ERCC6: variants seen among roughly 807,000 people sequenced by gnomAD.
The protein encoded by ERCC6 is ERCC excision repair 6, chromatin remodeling factor.
ERCC6 carries 116 observed loss-of-function variants against 158.7 expected under a neutral mutation model. The observed-to-expected ratio is 0.73, with a 90% CI of 0.63 to 0.85. ERCC6 has a LOEUF of 0.85. Among genes scored for constraint, ERCC6 ranks in the 40% least tolerant of loss-of-function variants. The pLI, the probability that ERCC6 is intolerant of heterozygous loss-of-function variation, is 0.00. For synonymous variants in ERCC6, 678 were observed against 659.3 expected (o/e 1.03, Z -0.43); for missense variants, 1,698 against 1,799.4 (o/e 0.94, Z 1.02).
Position 49,493,256 on chromosome 10 carries a change from C to T in ERCC6, c.1686-4G>A, listed in dbSNP as rs1029597946. ...AGTTGGACCCAACCCCTCAAACCTG[C>T]ATCCAAACGTCCAAGAAGAAAACAA... is the stretch of plus-strand genomic sequence containing the variant. On this transcript the variant is annotated splice_polypyrimidine_tract_variant and splice_region_variant and intron_variant, in intron 7 of 20. Transcript: ENST00000355832. 8.1e-6 allele frequency: 13 copies of T among 1,613,946 alleles called. 1 individual carries two copies. The Middle Eastern group carries it at 8.2e-4, about 102-fold the overall frequency.
At chr10:49,493,424 G>A (rs1025755649) in intron 7 of ERCC6, among the ~76,000 whole-genome samples, 172 bp from the exon 8 acceptor site, 3 of 152,120 alleles carry the variant, frequency 2.0e-5, no homozygotes, top group African/African-American at 7.2e-5. Flanking sequence ...TTAAAACCCA[G>A]TAAGTAAAAT....
At chr10:49,493,742 T>C (rs538943785) in intron 7 of ERCC6, among the ~76,000 whole-genome samples, 1 of 152,296 alleles carries the variant, frequency 6.6e-6, no homozygotes, top group East Asian at 1.9e-4. Flanking sequence ...TGGGGGCTCA[T>C]AAGGCTGGCA....
At chr10:49,477,651 C>G (rs80202965) in intron 11 of ERCC6, among the ~76,000 whole-genome samples, 168 of 152,256 alleles carry the variant, frequency 1.1e-3, no homozygotes, top group African/African-American at 3.8e-3. Flanking sequence ...CCCCAGTCTT[C>G]CCAGCTAGCT....
chr10:49,452,028 T>C (rs1420625547), downstream of ERCC6, among the ~76,000 whole-genome samples: 3 of 152,104 alleles, frequency 2.0e-5, no homozygotes, highest in Non-Finnish European at 4.4e-5. Context: ...CCTAGTGAAA[T>C]ATTTGTCATA....
At chr10:49,518,441 A>G (rs1429718140) in intron 5 of ERCC6, among the ~76,000 whole-genome samples, 3 of 152,194 alleles carry the variant, frequency 2.0e-5, no homozygotes, top group African/African-American at 7.2e-5. Context: ...TCAAAGTCCT[A>G]TCTCCTGGGT....
At position 49,476,357 on chromosome 10, in the gene ERCC6, A is replaced by G. The variant is rs760081870; in HGVS notation, c.2287-47T>C. 29 of 1,289,504 alleles carry G rather than the reference A, an allele frequency of 2.2e-5. No individual in the cohort carries two copies. The South Asian group carries it at 3.6e-4, about 16-fold the overall frequency. The allele number at this position is 1,289,504 out of a possible 1,614,324, so 79.9% of individuals were successfully genotyped here. A position where few individuals can be genotyped will look rare whatever the true frequency, so the allele number is the denominator to read the frequency against. On this transcript the variant is annotated intron_variant, in intron 11 of 20. Coordinates refer to ENST00000355832, the MANE Select transcript of ERCC6 (RefSeq NM_000124.4). The stretch of plus-strand genomic sequence containing the variant: ...AAACTATAATTTCAAAAAAAAAATT[A>G]ACAGAAATAATTAAAATATCAACAA...
chr10:49,515,736 A>G lies in ERCC6; in HGVS notation c.1397+8297T>C, dbSNP rs758395933. 5.0e-6 allele frequency: 8 copies of G among 1,614,158 alleles called. No homozygotes were observed. In the East Asian group the frequency reaches 8.9e-5, roughly 18 times the overall value. Reference sequence around the variant, plus strand: ...TTCATCAGCTCTGTCTACGCCTCCCATGAACTGGTTATACACTTTGATCAT... The same window carrying G: ...TTCATCAGCTCTGTCTACGCCTCCCGTGAACTGGTTATACACTTTGATCAT... On this transcript the variant is annotated intron_variant, in intron 5 of 20. Coordinates refer to ENST00000355832, the MANE Select transcript of ERCC6 (RefSeq NM_000124.4).
At chr10:49,522,846 A>T (rs532771727) in intron 5 of ERCC6, among the ~76,000 whole-genome samples, 1 of 152,224 alleles carries the variant, frequency 6.6e-6, no homozygotes, top group South Asian at 2.1e-4. Flanking sequence ...GTGCTGAGGG[A>T]TGACAAATAT....
intron 18 of ERCC6, among the ~76,000 whole-genome samples, chr10:49,469,026 T>C (rs1850725712): frequency 6.6e-6 from 1 of 152,010 alleles, no homozygotes; most frequent in Non-Finnish European, 1.5e-5. Context: ...TAAAAATAAA[T>C]TAATAAATAA....
At chr10:49,464,225 T>C (rs1417954154) in intron 18 of ERCC6, among the ~76,000 whole-genome samples, 1 of 152,190 alleles carries the variant, frequency 6.6e-6, no homozygotes, top group Non-Finnish European at 1.5e-5. Context: ...GTGACTCTTG[T>C]TATGTTTTAG....
chr10:49,446,918 T>C, the ERCC6 span, among the ~76,000 whole-genome samples: 3 of 152,236 alleles, frequency 2.0e-5, no homozygotes, highest in South Asian at 6.2e-4. Flanking sequence ...AAAGAAATAA[T>C]GGCTACAGTC....
chr10:49,528,271 A>T, intron 4 of ERCC6, 146 bp downstream of exon 4: 1 of 943,404 alleles, frequency 1.1e-6, no homozygotes, highest in Non-Finnish European at 1.7e-6. Context: ...GTAGAGAATA[A>T]AATTTTCCTA....
At chr10:49,474,883 A>G (rs1590409922) in intron 12 of ERCC6, among the ~76,000 whole-genome samples, 1 of 152,234 alleles carries the variant, frequency 6.6e-6, no homozygotes, top group East Asian at 1.9e-4. Context: ...CAAAACTTCA[A>G]TAATGGGGCT....
Position 49,472,925 on chromosome 10 carries a change from G to A in ERCC6, c.2813C>T (p.Pro938Leu). ...AAAACAAACCTGCGTGTCCGTGCTTGGGTTCCAGTCTGGGTCATAGATGAC... is the reference window on the plus strand; with the variant it reads ...AAAACAAACCTGCGTGTCCGTGCTTAGGTTCCAGTCTGGGTCATAGATGAC... ...RVVIYDPDWNPSTDTQARERA... is the reference protein window; with the variant it reads ...RVVIYDPDWNLSTDTQARERA... Residue 938 changes from proline (P) to leucine (L), a missense_variant, in exon 15 of 21, where the codon CCA becomes CTA. By Grantham distance (98) the Pro-to-Leu change is moderately conservative. Coordinates refer to ENST00000355832, the MANE Select transcript of ERCC6 (RefSeq NM_000124.4). 6.2e-7 allele frequency: 1 copy of A among 1,614,022 alleles called. No homozygotes were observed. The highest frequency in any genetic ancestry group is 8.5e-7 in the Non-Finnish European group (1 of 1,179,992).
chr10:49,492,136 A>C (rs1214423326), intron 8 of ERCC6, among the ~76,000 whole-genome samples: 4 of 152,182 alleles, frequency 2.6e-5, no homozygotes, highest in Admixed American at 2.0e-4. Flanking sequence ...GTGCTACCAA[A>C]CCATAGATTT....
intron 8 of ERCC6, among the ~76,000 whole-genome samples, chr10:49,491,955 T>C (rs192276806): frequency 1.3e-5 from 2 of 152,354 alleles, no homozygotes; most frequent in South Asian, 2.1e-4. Context: ...CAACAATCTA[T>C]ACTGCTATTA....
intron 10 of ERCC6, among the ~76,000 whole-genome samples, chr10:49,479,580 T>C (rs1590414428): frequency 6.6e-6 from 1 of 152,308 alleles, no homozygotes; most frequent in South Asian, 2.1e-4. Flanking sequence ...GAGGTACATA[T>C]TATGATTTCT....
At chr10:49,524,861 T>C (rs1165156926) in intron 4 of ERCC6, 84 bp from the exon 5 acceptor site, 12 of 1,569,090 alleles carry the variant, frequency 7.6e-6, no homozygotes, top group Non-Finnish European at 8.6e-6. Context: ...TCAAGAAATA[T>C]TAGGCAGCTA....
At chr10:49,521,209 T>C (rs1837150234) in intron 5 of ERCC6, among the ~76,000 whole-genome samples, 1 of 152,038 alleles carries the variant, frequency 6.6e-6, no homozygotes, top group Admixed American at 6.5e-5. Flanking sequence ...AACTGGGAAG[T>C]GAATCAATAA....
Sources: gnomAD v4.1 joint callset for allele counts (sites outside exome capture counted in the v4.1 genomes callset) on GRCh38, gnomAD v4.1.1 for gene constraint, MANE v1.5 for transcripts, NCBI Gene and HGNC (gene_info 2026-07-23, HGNC 2026-07-21) for gene names.